The following DNAJC15 variants were observed in gnomAD, a reference collection of about 807,000 sequenced individuals.
DNAJC15 encodes the protein dnaJ homolog subfamily C member 15.
A neutral mutation model predicts 22.4 loss-of-function variants in DNAJC15; 27 were observed. That is an observed-to-expected ratio of 1.20 (90% CI 0.89 to 1.66). The LOEUF (loss-of-function observed/expected upper bound fraction) is 1.66. DNAJC15 is among the 40% of genes most tolerant of loss of function. The pLI is 0.00. For missense variants in DNAJC15, 208 were observed against 187.1 expected, an observed-to-expected ratio of 1.11 and a Z score of -0.65; for synonymous variants, 79 against 63.2, an observed-to-expected ratio of 1.25 and a Z score of -1.19.
intron 2 of DNAJC15, among the ~76,000 whole-genome samples, chr13:43,067,124 G>A (rs78138788): frequency 0.019 from 2,923 of 152,254 alleles, 75 homozygotes; most frequent in South Asian, 0.11. Context: ...TTTAGGCAGA[G>A]CTGCATTCCA....
intron 5 of DNAJC15, among the ~76,000 whole-genome samples, chr13:43,105,622 C>T (rs1035698831): frequency 1.3e-5 from 2 of 151,966 alleles, no homozygotes; most frequent in Non-Finnish European, 2.9e-5. Context: ...ATCATCTGTG[C>T]CTTTGATTTT....
In DNAJC15 at chr13:43,113,488, T is replaced by G. The variant is rs753489765; in HGVS notation, c.*6240T>G. On this transcript the variant is annotated 3_prime_UTR_variant, in exon 6 of 6. Coordinates refer to ENST00000379221, the MANE Select transcript of DNAJC15 (RefSeq NM_013238.3). ...CCAGTCTAAGAATGTGTCTTTGAGA[T>G]TGTCCAGTTAATTCTCTATTTCCAG... The G allele has an allele frequency of 2.6e-5, 4 of 152,336 alleles. No homozygotes were observed. Among genetic ancestry groups the G allele is most frequent in the Non-Finnish European group, 4.4e-5 (3 of 68,034 alleles). The allele number at this position is 152,336 out of a possible 1,614,324, so 9.4% of individuals were successfully genotyped here. A position where few individuals can be genotyped will look rare whatever the true frequency, so the allele number is the denominator to read the frequency against.
chr13:43,032,800 G>C (rs892800675), intron 1 of DNAJC15, among the ~76,000 whole-genome samples: 3 of 152,132 alleles, frequency 2.0e-5, no homozygotes, highest in African/African-American at 7.2e-5. Flanking sequence ...ACTGTAGCCT[G>C]GGTGACAGAG....
At chr13:43,096,193 G>A (rs2040738832) in intron 5 of DNAJC15, among the ~76,000 whole-genome samples, 1 of 152,112 alleles carries the variant, frequency 6.6e-6, no homozygotes, top group African/African-American at 2.4e-5. Context: ...AGATTTGGCA[G>A]TGTTTCACAT....
At chr13:43,051,140 A>G (rs1422096060) in intron 1 of DNAJC15, among the ~76,000 whole-genome samples, 1 of 151,972 alleles carries the variant, frequency 6.6e-6, no homozygotes, top group Non-Finnish European at 1.5e-5. Flanking sequence ...ACACCCAGCT[A>G]ATTTTTTTAT....
intron 1 of DNAJC15, among the ~76,000 whole-genome samples, chr13:43,028,571 A>C (rs1001732478): frequency 6.6e-6 from 1 of 152,212 alleles, no homozygotes; most frequent in African/African-American, 2.4e-5. Context: ...AACATGATCT[A>C]AACCTTTCTT....
chr13:43,029,351 T>C (rs2040394467), intron 1 of DNAJC15, among the ~76,000 whole-genome samples: 2 of 152,244 alleles, frequency 1.3e-5, no homozygotes, highest in South Asian at 4.1e-4. Flanking sequence ...ACTTTTTTTC[T>C]TCTTCATTTC....
At chr13:43,061,365 G>A (rs534115610) in intron 1 of DNAJC15, among the ~76,000 whole-genome samples, 24 of 152,254 alleles carry the variant, frequency 1.6e-4, no homozygotes, top group African/African-American at 4.6e-4. Context: ...TGTCCTGAGC[G>A]ATGGGATCTG....
chr13:43,069,153 T>C (rs1414340554), intron 3 of DNAJC15, 150 bp downstream of exon 3: 2 of 694,008 alleles, frequency 2.9e-6, no homozygotes, highest in Non-Finnish European at 2.3e-6. Flanking sequence ...TCTAATTTAC[T>C]GGCTCAGTTT....
At chr13:43,095,934 G>A (rs747458410) in intron 5 of DNAJC15, among the ~76,000 whole-genome samples, 26 of 151,706 alleles carry the variant, frequency 1.7e-4, no homozygotes, top group Admixed American at 2.0e-4. Flanking sequence ...AGTTTTGTGA[G>A]GAAGAGGAGG....
In DNAJC15 at chr13:43,110,362, C is replaced by T. The variant is rs9525744; in HGVS notation, c.*3114C>T. 0.23 allele frequency: 34,823 copies of T among 152,010 alleles called. 4,557 individuals carry two copies. The highest frequency in any genetic ancestry group is 0.31 in the Non-Finnish European group (20,753 of 67,956). 9.4% of individuals were successfully genotyped at this position (152,010 alleles called of 1,614,324 possible). On this transcript the variant is annotated 3_prime_UTR_variant, in exon 6 of 6. Transcript: ENST00000379221. Reference sequence around the variant, plus strand: ...CATCACTTGTGCCATATTCAGTTGGCCTAAGAATTACAGAGCCTGCCTCGA... The same window carrying T: ...CATCACTTGTGCCATATTCAGTTGGTCTAAGAATTACAGAGCCTGCCTCGA...
At position 43,113,230 on chromosome 13, in the gene DNAJC15, C is replaced by T. The variant is rs1425063379; in HGVS notation, c.*5982C>T. ...TGTATTAAAGATGAAAACAAGAAAACCGAATATATTGAAAGGAGCAGAGAG... is the reference window on the plus strand; with the variant it reads ...TGTATTAAAGATGAAAACAAGAAAATCGAATATATTGAAAGGAGCAGAGAG... On this transcript the variant is annotated 3_prime_UTR_variant, in exon 6 of 6. Transcript: ENST00000379221. 4 of 152,208 alleles carry T rather than the reference C, an allele frequency of 2.6e-5. No homozygotes were observed. The highest frequency in any genetic ancestry group is 5.9e-5 in the Non-Finnish European group (4 of 68,008). 9.4% of individuals were successfully genotyped at this position (152,208 alleles called of 1,614,324 possible). A position where few individuals can be genotyped will look rare whatever the true frequency, so the allele number is the denominator to read the frequency against.
chr13:43,024,488 C>T (rs1028831917), intron 1 of DNAJC15, among the ~76,000 whole-genome samples: 6 of 151,826 alleles, frequency 4.0e-5, no homozygotes, highest in East Asian at 1.9e-4. Flanking sequence ...GGACTACAGG[C>T]GCCTGCCACC....
At chr13:43,102,489 A>C (rs2040774725) in intron 5 of DNAJC15, among the ~76,000 whole-genome samples, 1 of 152,022 alleles carries the variant, frequency 6.6e-6, no homozygotes, top group African/African-American at 2.4e-5. Context: ...TTATGTATTT[A>C]TTTTGGCTGG....
At chr13:43,030,353 A>T (rs74063023) in intron 1 of DNAJC15, among the ~76,000 whole-genome samples, 1 of 152,214 alleles carries the variant, frequency 6.6e-6, no homozygotes, top group South Asian at 2.1e-4. Context: ...GTAAAGGGTT[A>T]GATAGTAACC....
rs2040824962 is a variant in DNAJC15 at position 43,111,583 on chromosome 13, GCTCTTTA to G, written c.*4337_*4343del. ...TTGTGGGAGAAGATGAATCAGCCAG[GCTCTTTA>G]CGTCAAGAATATGAAGTTTCTCTTG... On this transcript the variant is annotated 3_prime_UTR_variant, in exon 6 of 6. Coordinates refer to ENST00000379221, the MANE Select transcript of DNAJC15 (RefSeq NM_013238.3). The G allele has an allele frequency of 6.6e-6, 1 of 152,148 alleles. No homozygotes were observed. The highest frequency in any genetic ancestry group is 2.1e-4 in the South Asian group (1 of 4,830). 9.4% of individuals were successfully genotyped at this position (152,148 alleles called of 1,614,324 possible).
At position 43,107,239 on chromosome 13, in the gene DNAJC15, C is replaced by A. The variant is rs1201140550; in HGVS notation, c.444C>A (p.Thr148=). Residue 148 remains threonine (T), a synonymous_variant, in exon 6 of 6, where the codon ACC becomes ACA. Transcript: ENST00000379221. ...CAAAAGACTTGCTAGAAACAACCAC[C>A]AAACATTGATGCTTAAGGACCACAC... ...NEAKDLLETT[T]KH is the part of the protein sequence containing the mutation. The A allele has an allele frequency of 1.0e-5, 16 of 1,576,740 alleles. No homozygotes were observed. In the South Asian group the frequency reaches 1.8e-4, roughly 17 times the overall value.
chr13:43,107,746 T>C lies in DNAJC15; in HGVS notation c.*498T>C, dbSNP rs1289931956. On this transcript the variant is annotated 3_prime_UTR_variant, in exon 6 of 6. Transcript: ENST00000379221. Reference sequence around the variant, plus strand: ...CTTGGAGATATGATCTGAAATGTAATGGAATTTATTAAATGGTGTTTAGTA... The same window carrying C: ...CTTGGAGATATGATCTGAAATGTAACGGAATTTATTAAATGGTGTTTAGTA... 6.6e-6 allele frequency: 1 copy of C among 152,162 alleles called. No homozygotes were observed. The highest frequency in any genetic ancestry group is 1.9e-4 in the East Asian group (1 of 5,200). The allele number at this position is 152,162 out of a possible 1,614,324, so 9.4% of individuals were successfully genotyped here.
chr13:43,069,552 T>C (rs759709513), intron 3 of DNAJC15, among the ~76,000 whole-genome samples: 3 of 152,184 alleles, frequency 2.0e-5, no homozygotes, highest in Non-Finnish European at 4.4e-5. Flanking sequence ...GGGAGCTGAA[T>C]GTAAGTGAAA....
Sources: gnomAD v4.1 joint callset for allele counts (sites outside exome capture counted in the v4.1 genomes callset) on GRCh38, gnomAD v4.1.1 for gene constraint, MANE v1.5 for transcripts, NCBI Gene and HGNC (gene_info 2026-07-23, HGNC 2026-07-21) for gene names.